Variants in CSMD1 observed in about 807,000 individuals in gnomAD.
CSMD1 encodes CUB and Sushi multiple domains 1.
In CSMD1, 213 loss-of-function variants were observed where a neutral mutation model predicts 417.5. The ratio of observed to expected loss-of-function variants is 0.51; its 90% CI spans 0.46 to 0.57. CSMD1 has a LOEUF of 0.57. CSMD1 is among the 20% of genes least tolerant of loss of function. The pLI is 0.00. For missense variants in CSMD1, 6,923 were observed against 4,529.7 expected (o/e 1.53, Z -15.17); for synonymous variants, 2,862 against 1,736.8 (o/e 1.65, Z -16.11).
chr8:4,825,262 C>G (rs1799759148), intron 1 of CSMD1, among the ~76,000 whole-genome samples: 1 of 152,004 alleles, frequency 6.6e-6, no homozygotes, highest in Non-Finnish European at 1.5e-5. Flanking sequence ...ATGCATACAC[C>G]CATGACACAA....
intron 7 of CSMD1, among the ~76,000 whole-genome samples, chr8:3,646,852 C>A (rs1240311547): frequency 6.6e-6 from 1 of 152,142 alleles, no homozygotes; most frequent in Non-Finnish European, 1.5e-5. Flanking sequence ...GCTTGCCTCT[C>A]TGGCTGAATT....
intron 1 of CSMD1, among the ~76,000 whole-genome samples, chr8:4,908,090 T>G (rs1214770737): frequency 6.6e-6 from 1 of 152,204 alleles, no homozygotes; most frequent in African/African-American, 2.4e-5. Context: ...TCCATGGAAG[T>G]CGTCTATGTC....
chr8:4,464,101 G>C (rs913319550), intron 2 of CSMD1, among the ~76,000 whole-genome samples: 2 of 152,046 alleles, frequency 1.3e-5, no homozygotes, highest in Non-Finnish European at 2.9e-5. Context: ...TTTTCTAAAA[G>C]AATGAGATAG....
intron 1 of CSMD1, among the ~76,000 whole-genome samples, chr8:4,953,394 A>T (rs2117294424): frequency 6.6e-6 from 1 of 152,304 alleles, no homozygotes. Flanking sequence ...CGATCAACAC[A>T]TGTAATCAAT....
chr8:3,829,932 A>G (rs1385177357), intron 5 of CSMD1, among the ~76,000 whole-genome samples: 1 of 152,090 alleles, frequency 6.6e-6, no homozygotes, highest in East Asian at 1.9e-4. Context: ...TCTCCTTTGA[A>G]AAAAAACTGA....
chr8:4,164,140 C>G (rs1051776173), intron 3 of CSMD1, among the ~76,000 whole-genome samples: 1 of 151,288 alleles, frequency 6.6e-6, no homozygotes, highest in East Asian at 1.9e-4. Flanking sequence ...TGATAGTGTT[C>G]TCTTAAAATG....
intron 2 of CSMD1, among the ~76,000 whole-genome samples, chr8:4,610,914 A>G (rs868155824): frequency 2.0e-5 from 3 of 152,212 alleles, no homozygotes; most frequent in Non-Finnish European, 2.9e-5. Context: ...GAGGAGTTAT[A>G]ATGACATAAC....
chr8:4,464,053 G>A (rs1302125005), intron 2 of CSMD1, among the ~76,000 whole-genome samples: 1 of 151,944 alleles, frequency 6.6e-6, no homozygotes, highest in Non-Finnish European at 1.5e-5. Context: ...AAAAAAAAAG[G>A]AATATGGTAA....
chr8:4,779,691 T>C (rs1797051231), intron 1 of CSMD1, among the ~76,000 whole-genome samples: 1 of 152,164 alleles, frequency 6.6e-6, no homozygotes, highest in Non-Finnish European at 1.5e-5. Flanking sequence ...ATTTCATCAC[T>C]GAAAAATCCA....
intron 68 of CSMD1, among the ~76,000 whole-genome samples, chr8:2,944,913 A>G (rs1235540032): frequency 2.0e-5 from 3 of 152,192 alleles, no homozygotes; most frequent in Non-Finnish European, 2.9e-5. Context: ...TCCAAATAAT[A>G]AAATGCTGGA....
At chr8:3,087,544 T>A (rs760964436) in intron 48 of CSMD1, among the ~76,000 whole-genome samples, 2 of 152,176 alleles carry the variant, frequency 1.3e-5, no homozygotes, top group African/African-American at 4.8e-5. Flanking sequence ...GTGAGAAACA[T>A]CAAGAGTATC....
intron 7 of CSMD1, among the ~76,000 whole-genome samples, chr8:3,706,541 G>A (rs1403033252): frequency 1.3e-5 from 2 of 152,136 alleles, no homozygotes; most frequent in Non-Finnish European, 2.9e-5. Context: ...AATACCAAAT[G>A]AGTCATTATG....
intron 1 of CSMD1, among the ~76,000 whole-genome samples, chr8:4,817,536 C>G (rs1335301858): frequency 6.6e-6 from 1 of 152,228 alleles, no homozygotes; most frequent in Admixed American, 6.5e-5. Context: ...CAAGACACTA[C>G]TGCATGGTTT....
At chr8:3,417,077 T>C (rs139627213) in intron 12 of CSMD1, among the ~76,000 whole-genome samples, 1 of 152,360 alleles carries the variant, frequency 6.6e-6, no homozygotes, top group East Asian at 1.9e-4. Flanking sequence ...CCCACGGTTG[T>C]GCTTGCATTA....
chr8:4,750,080 A>C (rs1445358934), intron 1 of CSMD1, among the ~76,000 whole-genome samples: 2 of 152,048 alleles, frequency 1.3e-5, no homozygotes, highest in Non-Finnish European at 2.9e-5. Flanking sequence ...ATCTCGGCTC[A>C]CCGCAAGCTC....
chr8:4,348,349 A>G (rs1800895257), intron 3 of CSMD1, among the ~76,000 whole-genome samples: 1 of 152,010 alleles, frequency 6.6e-6, no homozygotes, highest in Non-Finnish European at 1.5e-5. Context: ...AAGTCATGGA[A>G]TCCACCCAAG....
At chr8:3,933,990 C>G (rs141571374) in intron 5 of CSMD1, among the ~76,000 whole-genome samples, 5 of 152,128 alleles carry the variant, frequency 3.3e-5, no homozygotes, top group Non-Finnish European at 5.9e-5. Context: ...GTGGCAAACC[C>G]ATGGCAAATA....
At chr8:3,388,389 G>C (rs1811141598) in intron 17 of CSMD1, among the ~76,000 whole-genome samples, 1 of 151,768 alleles carries the variant, frequency 6.6e-6, no homozygotes. Context: ...TATTTTAAGA[G>C]CTAAGGAAAA....
At position 2,936,962 on chromosome 8, in the gene CSMD1, C is replaced by G. The variant is rs184312597; in HGVS notation, c.*1623G>C. 3 of 152,254 alleles carry G rather than the reference C, an allele frequency of 2.0e-5. No individual in the cohort carries two copies. Among genetic ancestry groups the G allele is most frequent in the Admixed American group, 1.3e-4 (2 of 15,284 alleles). 9.4% of individuals were successfully genotyped at this position (152,254 alleles called of 1,614,324 possible). A position where few individuals can be genotyped will look rare whatever the true frequency, so the allele number is the denominator to read the frequency against. On this transcript the variant is annotated 3_prime_UTR_variant, in exon 70 of 70. Coordinates refer to ENST00000635120, the MANE Select transcript of CSMD1 (RefSeq NM_033225.6). Reference sequence around the variant, plus strand: ...ACCAACGCCAATCTAAAATGTGAAACAGAGAAAATCTGCCACAATTGAATA... The same window carrying G: ...ACCAACGCCAATCTAAAATGTGAAAGAGAGAAAATCTGCCACAATTGAATA...
Sources: gnomAD v4.1 joint callset for allele counts (sites outside exome capture counted in the v4.1 genomes callset) on GRCh38, gnomAD v4.1.1 for gene constraint, MANE v1.5 for transcripts, NCBI Gene and HGNC (gene_info 2026-07-23, HGNC 2026-07-21) for gene names.